NAV1: variants seen among roughly 807,000 people sequenced by gnomAD.
NAV1 encodes neuron navigator 1, also known as pore membrane and/or filament interacting like protein 3.
A neutral mutation model predicts 175.2 loss-of-function variants in NAV1; 18 were observed. The ratio of observed to expected loss-of-function variants is 0.10; its 90% confidence interval spans 0.07 to 0.15. NAV1 has a LOEUF of 0.15. NAV1 is among the 10% of genes least tolerant of loss of function. The pLI, the probability that NAV1 is intolerant of heterozygous loss-of-function variation, is 1.00. For synonymous variants in NAV1, 897 were observed against 978.7 expected, an observed-to-expected ratio of 0.92 and a Z score of 1.56; for missense variants, 1,731 against 2,436.6, an observed-to-expected ratio of 0.71 and a Z score of 6.10.
chr1:201,812,417 A>T lies in NAV1; in HGVS notation c.5025-48A>T. The T allele has an allele frequency of 6.3e-7, 1 of 1,578,264 alleles. No homozygotes were observed. The highest frequency in any genetic ancestry group is 8.7e-7 in the Non-Finnish European group (1 of 1,150,556). On this transcript the variant is annotated intron_variant, in intron 26 of 29. Coordinates refer to ENST00000367296, the Ensembl canonical transcript of NAV1. The surrounding 1 kb of genome is among the most constrained non-coding windows in gnomAD (Gnocchi z 4.6). ...GACTGGCAGGGGCTGAACCCTGACA[A>T]TGTCCCCATTGCCACTCTGACCCCA...
intron 3 of NAV1, among the ~76,000 whole-genome samples, chr1:201,725,139 A>C (rs239970): frequency 0.31 from 46,938 of 152,044 alleles, 7,982 homozygotes; most frequent in Non-Finnish European, 0.38. Context: ...CAACCCAGCC[A>C]CCCTCATCGA....
intron 1 of NAV1, among the ~76,000 whole-genome samples, chr1:201,683,270 A>T (rs1422916044): frequency 1.3e-5 from 2 of 152,200 alleles, no homozygotes; most frequent in Non-Finnish European, 2.9e-5. Flanking sequence ...GGGGATGAAG[A>T]CCACAGAAGT....
At position 201,810,904 on chromosome 1, in the gene NAV1, CTCTA is replaced by C. The variant is rs767761306; in HGVS notation, c.4797+153_4797+156del. On this transcript the variant is annotated intron_variant, in intron 24 of 29. Coordinates refer to ENST00000367296, the Ensembl canonical transcript of NAV1. This position sits in a 1 kb window ranked among gnomAD's most constrained non-coding sequence, Gnocchi z 6.0. ...CTCTTCTGTGTTCATTTCCTTCCCT[CTCTA>C]TCTATCCCCTTTTCCAGTCTTCTCC... The C allele has an allele frequency of 2.1e-4, 135 of 643,500 alleles. No homozygotes were observed. The highest frequency in any genetic ancestry group is 3.8e-4 in the Middle Eastern group (1 of 2,660). The allele number at this position is 643,500 out of a possible 1,614,324, so 39.9% of individuals were successfully genotyped here. A position where few individuals can be genotyped will look rare whatever the true frequency, so the allele number is the denominator to read the frequency against.
intron 2 of NAV1, among the ~76,000 whole-genome samples, chr1:201,642,416 G>A (rs76655222): frequency 0.073 from 11,125 of 151,578 alleles, 426 homozygotes; most frequent in African/African-American, 0.089. Context: ...TAGTACAGAC[G>A]GGGTTTCACC....
chr1:201,541,731 G>T (rs979783891), intron 1 of NAV1, among the ~76,000 whole-genome samples: 5 of 152,146 alleles, frequency 3.3e-5, no homozygotes, highest in Non-Finnish European at 7.4e-5. Flanking sequence ...CCGAGATCAT[G>T]CCATTGCACT....
chr1:201,653,810 A>G lies in NAV1; in HGVS notation c.757+4385A>G, dbSNP rs148053328. Among the ~76,000 whole-genome samples, 454 of 152,264 alleles carry G rather than the reference A, an allele frequency of 3.0e-3. 5 individuals carry two copies. The highest frequency in any genetic ancestry group is 9.4e-3 in the African/African-American group (391 of 41,546). On this transcript the variant is annotated intron_variant, in intron 1 of 29. Transcript: ENST00000367296. ...GCTTGTGGAATCACAGGCAGGAGGAAGGGCTGTGGCAAGGTGCAGCAGCCT... is the reference window on the plus strand; with the variant it reads ...GCTTGTGGAATCACAGGCAGGAGGAGGGGCTGTGGCAAGGTGCAGCAGCCT...
intron 2 of NAV1, among the ~76,000 whole-genome samples, chr1:201,716,041 A>G (rs886404312): frequency 6.6e-6 from 1 of 152,158 alleles, no homozygotes; most frequent in Admixed American, 6.5e-5. Context: ...GCTGTGGAAT[A>G]GGGGAAGAGG....
chr1:201,805,672 C>T (rs1360378501), intron 17 of NAV1, among the ~76,000 whole-genome samples: 1 of 152,130 alleles, frequency 6.6e-6, no homozygotes, highest in African/African-American at 2.4e-5. Flanking sequence ...CCTGTAATCC[C>T]AGAACTTTGG....
intron 1 of NAV1, among the ~76,000 whole-genome samples, chr1:201,547,103 C>T (rs1385306007): frequency 1.3e-5 from 2 of 151,674 alleles, no homozygotes; most frequent in African/African-American, 4.8e-5. Context: ...TCTCCAGCCT[C>T]AGCCTCCCGA....
chr1:201,783,930 A>G lies in NAV1; in HGVS notation c.2804+78A>G, dbSNP rs1166480941. ...TTTGCCATTGGCAATACTATCCTAT[A>G]TTTTATTGCCATTTTGTGACTTTTG... On this transcript the variant is annotated intron_variant, in intron 7 of 29. Transcript: ENST00000367296. 4 of 1,337,228 alleles carry G rather than the reference A, an allele frequency of 3.0e-6. No homozygotes were observed. The East Asian group carries it at 7.0e-5, about 23-fold the overall frequency. 82.8% of individuals were successfully genotyped at this position (1,337,228 alleles called of 1,614,324 possible). A position where few individuals can be genotyped will look rare whatever the true frequency, so the allele number is the denominator to read the frequency against.
In NAV1 at chr1:201,740,089, A is replaced by AC; in HGVS notation, c.1226+21340dup. 3 of 1,438,056 alleles carry AC rather than the reference A, an allele frequency of 2.1e-6. No homozygotes were observed. The highest frequency in any genetic ancestry group is 2.7e-6 in the Non-Finnish European group (3 of 1,093,994). 89.1% of individuals were successfully genotyped at this position (1,438,056 alleles called of 1,614,324 possible). ...ATTTCCCCCGCAGGTAAGCGCCCCC[A>AC]CCCCCCTGGCCTCACCGCCAGACCG... On this transcript the variant is annotated intron_variant, in intron 3 of 29. Transcript: ENST00000367296. This position sits in a 1 kb window ranked among gnomAD's most constrained non-coding sequence, Gnocchi z 4.7.
chr1:201,645,295 G>A (rs568294044), upstream of NAV1, among the ~76,000 whole-genome samples: 2 of 149,860 alleles, frequency 1.3e-5, no homozygotes, highest in Admixed American at 6.7e-5. Flanking sequence ...GCAAACTATC[G>A]CAAGGACAAA....
At chr1:201,818,565 T>C (rs552213222) in intron 29 of NAV1, among the ~76,000 whole-genome samples, 1 of 148,770 alleles carries the variant, frequency 6.7e-6, no homozygotes, top group South Asian at 2.1e-4. Flanking sequence ...GACATTTGGC[T>C]AGAGCAAATG....
intron 3 of NAV1, among the ~76,000 whole-genome samples, chr1:201,729,561 A>G (rs1194796605): frequency 6.6e-6 from 1 of 151,844 alleles, no homozygotes; most frequent in Admixed American, 6.6e-5. Context: ...GAATTGCTTG[A>G]ACCTGGGAGG....
At chr1:201,540,544 G>A (rs1348026967) in intron 1 of NAV1, among the ~76,000 whole-genome samples, 1 of 152,194 alleles carries the variant, frequency 6.6e-6, no homozygotes, top group Non-Finnish European at 1.5e-5. Flanking sequence ...TCCCCAGGAG[G>A]AGGATCTGAC....
chr1:201,630,759 C>T (rs1283761740), intron 2 of NAV1, among the ~76,000 whole-genome samples: 1 of 152,232 alleles, frequency 6.6e-6, no homozygotes, highest in Non-Finnish European at 1.5e-5. Flanking sequence ...AACCAAATTT[C>T]TCTGGCACCG....
intron 3 of NAV1, chr1:201,739,721 G>C (rs1571917980): frequency 9.0e-7 from 1 of 1,108,650 alleles, no homozygotes; most frequent in Non-Finnish European, 1.1e-6. Context: ...AGGAGGCTTC[G>C]GTGGCTCTTT....
rs527723043 is a variant in NAV1, at chr1:201,694,371, C to G, written c.758-18446C>G. ...TGGAGCCAGGCAGCTGATTTCCCAT[C>G]GCTTCTCTCATCCCTCCTTCTGAGC... is the stretch of plus-strand genomic sequence containing the variant. On this transcript the variant is annotated intron_variant, in intron 1 of 29. Transcript: ENST00000367296. The surrounding 1 kb of genome is among the most constrained non-coding windows in gnomAD (Gnocchi z 4.2). Among the ~76,000 whole-genome samples, 1 of 152,324 alleles carries G rather than the reference C, an allele frequency of 6.6e-6. No individual in the cohort carries two copies. Among genetic ancestry groups the G allele is most frequent in the African/African-American group, 2.4e-5 (1 of 41,576 alleles).
chr1:201,791,951 G>C (rs909349751), intron 13 of NAV1: 1 of 152,166 alleles, frequency 6.6e-6, no homozygotes, highest in Non-Finnish European at 1.5e-5. Context: ...CACACCCCAG[G>C]AAATTCATGT....
Sources: allele counts gnomAD v4.1 joint callset (sites outside exome capture counted in the v4.1 genomes callset), GRCh38; gene constraint gnomAD v4.1.1; non-coding constraint Gnocchi (gnomAD v3.1); transcripts MANE v1.5; gene names NCBI Gene and HGNC (gene_info 2026-07-23, HGNC 2026-07-21).